Variants in MEGF8 observed in about 807,000 individuals in gnomAD.
MEGF8 encodes multiple EGF like domains 8.
Under a neutral mutation model 302.9 loss-of-function variants are expected in MEGF8, and 156 were observed. The ratio of observed to expected loss-of-function variants is 0.52; its 90% CI spans 0.45 to 0.59. MEGF8 has a LOEUF of 0.59. Ranked by LOEUF, MEGF8 falls within the 20% of genes least tolerant of loss-of-function variation. MEGF8 has a pLI of 0.00. For missense variants in MEGF8, 3,345 were observed against 3,964.5 expected (o/e 0.84, Z 4.20); for synonymous variants, 1,621 against 1,660.5 (o/e 0.98, Z 0.58).
At chr19:42,371,629 C>G in intron 41 of MEGF8, 147 bp downstream of exon 41, 1 of 1,153,612 alleles carries the variant, frequency 8.7e-7, no homozygotes. Flanking sequence ...CAGACTGTTC[C>G]TGAGCCCCAT....
chr19:42,330,898 C>G (rs979071321), intron 1 of MEGF8, among the ~76,000 whole-genome samples: 2 of 152,142 alleles, frequency 1.3e-5, no homozygotes, highest in Non-Finnish European at 2.9e-5. Flanking sequence ...GGCCCAGCTC[C>G]CATTAGAGCT....
Position 42,362,492 on chromosome 19 carries a change from G to C in MEGF8, c.5953G>C (p.Val1985Leu), listed in dbSNP as rs2039546327. Reference protein sequence around the residue: ...ENDCRINQREVFWAGNCSEAA... With the variant: ...ENDCRINQRELFWAGNCSEAA... ...TGACTGTCGGATCAACCAGCGAGAG[G>C]TCTTCTGGGCAGGGAACTGCTCCGA... Residue 1985 changes from valine (V) to leucine (L), a missense_variant, in exon 34 of 42, where the codon GTC becomes CTC. Coordinates refer to ENST00000251268, the MANE Select transcript of MEGF8 (RefSeq NM_001271938.2). The C allele has an allele frequency of 6.2e-7, 1 of 1,613,832 alleles. No individual in the cohort carries two copies. Among genetic ancestry groups the C allele is most frequent in the Non-Finnish European group, 8.5e-7 (1 of 1,179,902 alleles).
Position 42,349,600 on chromosome 19 carries a change from G to T in MEGF8, c.2400G>T (p.Lys800Asn). 6.2e-7 allele frequency: 1 copy of T among 1,611,948 alleles called. No individual in the cohort carries two copies. ...RLFPLPGRDHKYAVEIQGQLN... is the reference protein window; with the variant it reads ...RLFPLPGRDHNYAVEIQGQLN... Reference sequence around the variant, plus strand: ...TCCCTCTGCCTGGGCGGGACCACAAGTATGCAGTAGAGATCCAGGGCCAGC... The same window carrying T: ...TCCCTCTGCCTGGGCGGGACCACAATTATGCAGTAGAGATCCAGGGCCAGC... Residue 800 changes from lysine (K) to asparagine (N), a missense_variant, in exon 14 of 42, where the codon AAG (lysine) becomes AAT (asparagine). Lys to Asn is a moderately conservative substitution (Grantham distance 94). Coordinates refer to ENST00000251268, the MANE Select transcript of MEGF8 (RefSeq NM_001271938.2).
At chr19:42,366,434 T>C (rs1163935186) in intron 35 of MEGF8, among the ~76,000 whole-genome samples, 1 of 152,114 alleles carries the variant, frequency 6.6e-6, no homozygotes, top group Non-Finnish European at 1.5e-5. Flanking sequence ...CTCCTGACTT[T>C]GTGATCCACC....
chr19:42,354,576 G>T lies in MEGF8; in HGVS notation c.4012-12G>T, dbSNP rs2039424485. 5 of 1,607,202 alleles carry T rather than the reference G, an allele frequency of 3.1e-6. No homozygotes were observed. ...TCATTGTCTCCTAATCCTCGATTCT[G>T]CACCCCTCTAGCTGAGCTACGTCCT... On this transcript the variant is annotated splice_polypyrimidine_tract_variant and intron_variant, in intron 22 of 41. Coordinates refer to ENST00000251268, the MANE Select transcript of MEGF8 (RefSeq NM_001271938.2). This position sits in a 1 kb window ranked among gnomAD's most constrained non-coding sequence, Gnocchi z 4.3.
At chr19:42,340,034 G>A (rs917591565) in intron 8 of MEGF8, among the ~76,000 whole-genome samples, 10 of 151,898 alleles carry the variant, frequency 6.6e-5, no homozygotes, top group African/African-American at 2.4e-4. Flanking sequence ...CTCCCACCTG[G>A]GCAACAGAGT....
intron 14 of MEGF8, 33 bp from the exon 15 acceptor site, chr19:42,350,115 T>G: frequency 6.4e-7 from 1 of 1,566,222 alleles, no homozygotes; most frequent in East Asian, 2.3e-5. Context: ...GCCCCAGACC[T>G]TGACTGCTGC....
At chr19:42,335,253 CG>C in intron 4 of MEGF8, 38 bp downstream of exon 4, 4 of 1,613,958 alleles carry the variant, frequency 2.5e-6, no homozygotes, top group Non-Finnish European at 3.4e-6. Context: ...TCTGGAGGCC[CG>C]GCAGCCTATG....
rs546865545 is a variant in MEGF8, at chr19:42,336,500, A to C, written c.1244+154A>C. 6.6e-6 allele frequency among the ~76,000 whole-genome samples: 1 copy of C among 152,260 alleles called. No individual in the cohort carries two copies. Among genetic ancestry groups the C allele is most frequent in the South Asian group, 2.1e-4 (1 of 4,818 alleles). ...TATTTACTTATTCCTTCGTTCACTC[A>C]TTCATTCATTCACCCACTCACACAT... On this transcript the variant is annotated intron_variant, in intron 6 of 41. Coordinates refer to ENST00000251268, the MANE Select transcript of MEGF8 (RefSeq NM_001271938.2). This position sits in a 1 kb window ranked among gnomAD's most constrained non-coding sequence, Gnocchi z 4.8.
At position 42,353,568 on chromosome 19, in the gene MEGF8, C is replaced by G; in HGVS notation, c.3654C>G (p.Asp1218Glu). 6.2e-7 allele frequency: 1 copy of G among 1,601,636 alleles called. No individual in the cohort carries two copies. Among genetic ancestry groups the G allele is most frequent in the Non-Finnish European group, 8.5e-7 (1 of 1,174,594 alleles). The change falls in exon 21 of 42, where the codon GAC becomes GAG. Residue 1218 changes from aspartate to glutamate, a missense_variant. Asp to Glu is a conservative substitution (Grantham distance 45). Coordinates refer to ENST00000251268, the MANE Select transcript of MEGF8 (RefSeq NM_001271938.2). This position sits in a 1 kb window ranked among gnomAD's most constrained non-coding sequence, Gnocchi z 6.1. ...CRPCQCNGHG[D>E]PRRGHCDNLS... ...CCTGCCAGTGCAACGGGCACGGGGA[C>G]CCACGCCGTGGCCACTGCGACAACC...
chr19:42,327,261 T>C (rs2038996911), intron 1 of MEGF8, among the ~76,000 whole-genome samples: 1 of 152,258 alleles, frequency 6.6e-6, no homozygotes, highest in Non-Finnish European at 1.5e-5. Flanking sequence ...AGACATTATG[T>C]TTCCCATTGG....
At chr19:42,331,109 G>A (rs191446869) in intron 1 of MEGF8, among the ~76,000 whole-genome samples, 1 of 152,282 alleles carries the variant, frequency 6.6e-6, no homozygotes, top group East Asian at 1.9e-4. Context: ...ACAGGATGAG[G>A]CCGGGCAGCC....
intron 35 of MEGF8, among the ~76,000 whole-genome samples, chr19:42,365,225 T>C (rs2039587125): frequency 6.6e-6 from 1 of 152,012 alleles, no homozygotes; most frequent in South Asian, 2.1e-4. Flanking sequence ...GCAGAAGGCA[T>C]ACCCACAGTC....
chr19:42,375,867 C>CG lies in MEGF8; in HGVS notation c.7636dup (p.Ala2546GlyfsTer102). The CG allele has an allele frequency of 6.2e-7, 1 of 1,606,894 alleles. No individual in the cohort carries two copies. Among genetic ancestry groups the CG allele is most frequent in the Non-Finnish European group, 8.5e-7 (1 of 1,176,922 alleles). ...ACCACCCCCTGCAGATGGTGGGCCC[C>CG]GGGGGGCTGGGGATCCAGGAGGAGC... On this transcript the variant is annotated frameshift_variant, in exon 42 of 42. Transcript: ENST00000251268. LOFTEE classifies it high-confidence loss of function. The surrounding 1 kb of genome is among the most constrained non-coding windows in gnomAD (Gnocchi z 7.1).
At chr19:42,330,581 T>G (rs1323332982) in intron 1 of MEGF8, among the ~76,000 whole-genome samples, 1 of 152,190 alleles carries the variant, frequency 6.6e-6, no homozygotes, top group Non-Finnish European at 1.5e-5. Context: ...AGCTTCCAGC[T>G]TTAGTATTCT....
intron 12 of MEGF8, among the ~76,000 whole-genome samples, chr19:42,346,676 T>TA (rs1427833127): frequency 2.7e-5 from 4 of 148,364 alleles, no homozygotes; most frequent in Non-Finnish European, 3.0e-5. Context: ...GACTCCATTT[T>TA]AATTAAAAAT....
chr19:42,349,239 G>A (rs1180804016), intron 13 of MEGF8, among the ~76,000 whole-genome samples: 2 of 151,192 alleles, frequency 1.3e-5, no homozygotes, highest in East Asian at 1.9e-4. Context: ...AGTTGAGGCT[G>A]CAGTGAGCCA....
intron 30 of MEGF8, 27 bp from the exon 31 acceptor site, chr19:42,359,071 T>TCCCCCCCCCCCCCCGCGC: frequency 6.6e-7 from 1 of 1,504,406 alleles, no homozygotes; most frequent in Non-Finnish European, 8.9e-7. Flanking sequence ...GGCTGTCCTG[T>TCCCCCCCCCCCCCCGCGC]CCCCCCACCC....
Position 42,349,697 on chromosome 19 carries a change from A to T in MEGF8, c.2497A>T (p.Ser833Cys). 1 of 1,611,518 alleles carries T rather than the reference A, an allele frequency of 6.2e-7. No individual in the cohort carries two copies. Among genetic ancestry groups the T allele is most frequent in the Non-Finnish European group, 8.5e-7 (1 of 1,179,642 alleles). Reference sequence around the variant, plus strand: ...GGATCGGACTGGTGTGCCAGGAGGCAGCGTGAGTACCCAGGACCTACCTCC... The same window carrying T: ...GGATCGGACTGGTGTGCCAGGAGGCTGCGTGAGTACCCAGGACCTACCTCC... ...LWDRTGVPGGSEISFFFLEPY... is the reference protein window; with the variant it reads ...LWDRTGVPGGCEISFFFLEPY... The change falls in exon 14 of 42, where the codon AGC (serine) becomes TGC (cysteine). Residue 833 changes from serine to cysteine, a missense_variant and splice_region_variant. Transcript: ENST00000251268.
Sources: allele counts gnomAD v4.1 joint callset (sites outside exome capture counted in the v4.1 genomes callset), GRCh38; gene constraint gnomAD v4.1.1; non-coding constraint Gnocchi (gnomAD v3.1); transcripts MANE v1.5; gene names NCBI Gene and HGNC (gene_info 2026-07-23, HGNC 2026-07-21).